The following PDE1C variants were observed in gnomAD, a reference collection of about 807,000 sequenced individuals.
PDE1C encodes phosphodiesterase 1C.
Under a neutral mutation model 93.1 loss-of-function variants are expected in PDE1C, and 62 were observed. The observed-to-expected ratio is 0.67, with a 90% CI of 0.54 to 0.82. PDE1C has a LOEUF of 0.82. Among genes scored for constraint, PDE1C ranks in the 40% least tolerant of loss-of-function variants. The probability of loss-of-function intolerance (pLI) is 0.00; values close to 1 mark genes in which losing one functional copy is unlikely to be tolerated. For synonymous variants in PDE1C, 325 were observed against 310.1 expected, an observed-to-expected ratio of 1.05 and a Z score of -0.50; for missense variants, 742 against 884.6, an observed-to-expected ratio of 0.84 and a Z score of 2.04.
chr7:31,797,911 AG>A (rs1785507325), intron 16 of PDE1C, among the ~76,000 whole-genome samples: 1 of 151,706 alleles, frequency 6.6e-6, no homozygotes, highest in African/African-American at 2.4e-5. Flanking sequence ...AGGCAAGAAA[AG>A]GGGTGCCATA....
At chr7:32,414,314 A>G (rs934195410) in intron 1 of PDE1C, among the ~76,000 whole-genome samples, 1 of 152,180 alleles carries the variant, frequency 6.6e-6, no homozygotes, top group Non-Finnish European at 1.5e-5. Context: ...ATGTATAACT[A>G]TATTTATATC....
exon 1 of PDE1C, chr7:32,298,711 C>T (rs267601490): frequency 6.2e-7 from 1 of 1,605,964 alleles, no homozygotes; most frequent in Non-Finnish European, 8.5e-7. Flanking sequence ...TTGAAGCCCT[C>T]CTTCCTGTTG....
At chr7:31,949,094 G>A (rs547044795) in intron 2 of PDE1C, among the ~76,000 whole-genome samples, 2 of 152,204 alleles carry the variant, frequency 1.3e-5, no homozygotes, top group South Asian at 4.1e-4. Flanking sequence ...AATGATGCCT[G>A]GGGTCTTTTA....
intron 2 of PDE1C, among the ~76,000 whole-genome samples, chr7:31,975,737 C>T (rs1234147509): frequency 6.6e-6 from 1 of 152,204 alleles, no homozygotes; most frequent in Non-Finnish European, 1.5e-5. Flanking sequence ...AACTACCTTA[C>T]AGACTTTTGC....
At chr7:32,426,216 T>C (rs1322585250) in intron 1 of PDE1C, among the ~76,000 whole-genome samples, 1 of 152,160 alleles carries the variant, frequency 6.6e-6, no homozygotes, top group African/African-American at 2.4e-5. Context: ...AACACATTTT[T>C]GCCTCCATAA....
chr7:31,809,851 T>A (rs1165920078), intron 15 of PDE1C, among the ~76,000 whole-genome samples: 1 of 152,136 alleles, frequency 6.6e-6, no homozygotes, highest in African/African-American at 2.4e-5. Context: ...AACTTCACAG[T>A]ACCTAGGCTT....
the PDE1C span, among the ~76,000 whole-genome samples, chr7:31,732,346 G>C: frequency 6.6e-6 from 1 of 152,116 alleles, no homozygotes; most frequent in African/African-American, 2.4e-5. Flanking sequence ...CCAGTTGTTG[G>C]ACAAGTCTAG....
chr7:31,996,561 A>G (rs1185727746), intron 2 of PDE1C, among the ~76,000 whole-genome samples: 1 of 152,238 alleles, frequency 6.6e-6, no homozygotes, highest in Non-Finnish European at 1.5e-5. Context: ...CAAGACAGAC[A>G]CATGGAAGCC....
At chr7:31,966,128 T>C (rs1050918326) in intron 2 of PDE1C, among the ~76,000 whole-genome samples, 1 of 152,100 alleles carries the variant, frequency 6.6e-6, no homozygotes, top group Non-Finnish European at 1.5e-5. Context: ...TAAATGTAAA[T>C]GGGCTAAATA....
rs549692165 is a variant in PDE1C at position 31,968,690 on chromosome 7, T to C, written c.128+82864A>G. Among the ~76,000 whole-genome samples the C allele has an allele frequency of 5.6e-3, 858 of 152,260 alleles. 5 individuals carry two copies. Among genetic ancestry groups the C allele is most frequent in the African/African-American group, 0.02 (823 of 41,548 alleles). On this transcript the variant is annotated intron_variant, in intron 2 of 17. Transcript: ENST00000396191. Reference sequence around the variant, plus strand: ...CAAAAGAACAAAGCTGGAGGCATCATGCTACCTGACTTCAAACTATACTAC... The same window carrying C: ...CAAAAGAACAAAGCTGGAGGCATCACGCTACCTGACTTCAAACTATACTAC...
At chr7:32,259,692 G>A (rs1015143964) in intron 1 of PDE1C, among the ~76,000 whole-genome samples, 3 of 152,160 alleles carry the variant, frequency 2.0e-5, no homozygotes, top group African/African-American at 7.2e-5. Context: ...TCCAGCCCCA[G>A]AGAAATTCCT....
intron 3 of PDE1C, among the ~76,000 whole-genome samples, chr7:32,088,015 A>T (rs1340638035): frequency 2.8e-5 from 4 of 142,440 alleles, no homozygotes; most frequent in Non-Finnish European, 6.1e-5. Context: ...AATAAAATAA[A>T]AAAATAAAAA....
chr7:31,718,950 A>G, the PDE1C span, among the ~76,000 whole-genome samples: 1 of 152,094 alleles, frequency 6.6e-6, no homozygotes, highest in South Asian at 2.1e-4. Flanking sequence ...TCTTAATACC[A>G]AGCAGACCCT....
chr7:31,639,704 T>C, the PDE1C span, among the ~76,000 whole-genome samples: 3 of 151,894 alleles, frequency 2.0e-5, no homozygotes, highest in African/African-American at 7.3e-5. Flanking sequence ...GCCCGGCTAA[T>C]TTTTAGTATT....
At chr7:32,259,552 G>A (rs965052848) in intron 1 of PDE1C, among the ~76,000 whole-genome samples, 2 of 152,136 alleles carry the variant, frequency 1.3e-5, no homozygotes, top group African/African-American at 4.8e-5. Flanking sequence ...GGATGAGGAG[G>A]CATTCCTGGG....
intron 1 of PDE1C, among the ~76,000 whole-genome samples, chr7:32,255,308 G>C (rs1044591734): frequency 6.6e-6 from 1 of 152,198 alleles, no homozygotes; most frequent in South Asian, 2.1e-4. Context: ...CTCACTGAGA[G>C]AGCAGCAGAC....
chr7:31,736,647 G>C, the PDE1C span, among the ~76,000 whole-genome samples: 2 of 152,316 alleles, frequency 1.3e-5, no homozygotes, highest in East Asian at 3.9e-4. Context: ...CACTGATTTG[G>C]AATCTGCGTG....
intron 2 of PDE1C, among the ~76,000 whole-genome samples, chr7:31,940,017 T>C (rs1004724850): frequency 6.6e-6 from 1 of 152,182 alleles, no homozygotes; most frequent in African/African-American, 2.4e-5. Context: ...AATGTCAGAT[T>C]AATGGCATCC....
chr7:32,018,032 A>AT (rs879694279), intron 2 of PDE1C, among the ~76,000 whole-genome samples: 2 of 151,882 alleles, frequency 1.3e-5, no homozygotes, highest in Non-Finnish European at 2.9e-5. Flanking sequence ...GTAAACCAAG[A>AT]TTCCACCACT....
Sources: gnomAD v4.1 joint callset for allele counts (sites outside exome capture counted in the v4.1 genomes callset) on GRCh38, gnomAD v4.1.1 for gene constraint, MANE v1.5 for transcripts, NCBI Gene and HGNC (gene_info 2026-07-23, HGNC 2026-07-21) for gene names.